ZZEF1: variants seen among roughly 807,000 people sequenced by gnomAD.
ZZEF1 encodes the protein zinc finger ZZ-type and EF-hand domain-containing protein 1.
In ZZEF1, 157 loss-of-function variants were observed where a neutral mutation model predicts 342.8. That is an observed-to-expected ratio of 0.46 (90% CI 0.40 to 0.52). The LOEUF (loss-of-function observed/expected upper bound fraction) is 0.52. Among genes scored for constraint, ZZEF1 ranks in the 20% least tolerant of loss-of-function variants. ZZEF1 has a pLI of 0.00. For synonymous variants in ZZEF1, 1,505 were observed against 1,429.1 expected (o/e 1.05, Z -1.20); for missense variants, 3,480 against 3,725.6 (o/e 0.93, Z 1.72).
At chr17:4,090,904 T>G (rs1415958940) in intron 11 of ZZEF1, 74 bp from the exon 12 acceptor site, 4 of 1,120,162 alleles carry the variant, frequency 3.6e-6, no homozygotes, top group Non-Finnish European at 5.3e-6. Flanking sequence ...AGGTATCATC[T>G]AAGTGACATG....
At chr17:4,062,575 G>A (rs1167111445) in intron 30 of ZZEF1, among the ~76,000 whole-genome samples, 178 bp downstream of exon 30, 1 of 152,080 alleles carries the variant, frequency 6.6e-6, no homozygotes, top group East Asian at 1.9e-4. Context: ...TATGTTCCCG[G>A]CAGTTACATA....
intron 41 of ZZEF1, 46 bp from the exon 42 acceptor site, chr17:4,032,304 A>G: frequency 6.3e-7 from 1 of 1,591,878 alleles, no homozygotes; most frequent in Non-Finnish European, 8.5e-7. Context: ...AAACATGGAG[A>G]CAAGAAAGAA....
chr17:4,090,931 C>G, intron 11 of ZZEF1, 101 bp from the exon 12 acceptor site: 1 of 857,770 alleles, frequency 1.2e-6, no homozygotes, highest in East Asian at 2.6e-5. Context: ...GTATCTGTAG[C>G]CTGTCAGTGA....
chr17:4,009,231 A>G, intron 53 of ZZEF1: 3 of 568,460 alleles, frequency 5.3e-6, no homozygotes, highest in Admixed American at 3.1e-5. Flanking sequence ...GGGAAGCTAA[A>G]GAACTCTGAA....
chr17:4,053,406 C>A (rs1199401662), intron 34 of ZZEF1, among the ~76,000 whole-genome samples: 2 of 152,252 alleles, frequency 1.3e-5, no homozygotes, highest in Non-Finnish European at 2.9e-5. Context: ...CCAGTTCTAA[C>A]TTCCTTCAAA....
chr17:4,025,102 C>T lies in ZZEF1; in HGVS notation c.6909G>A (p.Leu2303=). 1.2e-6 allele frequency: 2 copies of T among 1,614,074 alleles called. No homozygotes were observed. The highest frequency in any genetic ancestry group is 1.7e-6 in the Non-Finnish European group (2 of 1,180,024). The stretch of plus-strand genomic sequence containing the variant: ...ACTCTTGTCCTCCTCCCTTCTGGAC[C>T]AGCTGGTAGTCCTTCACTGAAGGGT... ...RKRKTVKDYQ[L]VQKGGGQECG... Residue 2303 remains leucine (L), a synonymous_variant, in exon 43 of 55, where the codon CTG becomes CTA. Transcript: ENST00000381638.
At position 4,064,770 on chromosome 17, in the gene ZZEF1, A is replaced by C. The variant is rs4790555; in HGVS notation, c.4309T>G (p.Ser1437Ala). ...TCCAACTTTTCGCAGCTTTCTTTTG[A>C]ACTTATGCCCGTGGGCAGAAATTTT... ...LLKFLPTGIS[S>A]KESCEKLETA... Residue 1437 changes from serine (S) to alanine (A), a missense_variant, in exon 29 of 55, where the codon TCA (serine) becomes GCA (alanine). By Grantham distance (99) the Ser-to-Ala change is moderately conservative. Coordinates refer to ENST00000381638, the MANE Select transcript of ZZEF1 (RefSeq NM_015113.4). The C allele has an allele frequency of 9.8e-3, 15,875 of 1,612,706 alleles. 1,128 individuals are homozygous for C. The Admixed American group carries it at 0.16, about 16-fold the overall frequency.
chr17:4,036,055 G>A (rs1049486953), intron 39 of ZZEF1, among the ~76,000 whole-genome samples: 3 of 138,644 alleles, frequency 2.2e-5, no homozygotes, highest in Non-Finnish European at 4.5e-5. Flanking sequence ...AGCCGAGATT[G>A]CACCACTGCA....
At chr17:4,056,194 T>C (rs1031759628) in intron 33 of ZZEF1, 22 bp downstream of exon 33, 22 of 1,546,946 alleles carry the variant, frequency 1.4e-5, no homozygotes, top group Non-Finnish European at 1.9e-5. Context: ...CACTTCAGAG[T>C]ACTCTAGTTG....
chr17:4,024,117 A>T (rs905740353), intron 43 of ZZEF1, among the ~76,000 whole-genome samples: 2 of 149,142 alleles, frequency 1.3e-5, no homozygotes, highest in African/African-American at 5.0e-5. Flanking sequence ...ATTCCTCCCA[A>T]TCGCTGCCTC....
Position 4,112,696 on chromosome 17 carries a change from C to T in ZZEF1, c.979G>A (p.Asp327Asn), listed in dbSNP as rs769097995. Residue 327 changes from aspartate (D) to asparagine (N), a missense_variant, in exon 5 of 55, where the codon GAT (aspartate) becomes AAT (asparagine). Physicochemically the swap from Asp to Asn is conservative, Grantham distance 23. This residue lies in a region of ZZEF1 where 92 missense variants were observed against 130.3 expected (regional missense o/e 0.71). Coordinates refer to ENST00000381638, the MANE Select transcript of ZZEF1 (RefSeq NM_015113.4). ...VTVAVGRNAS[D>N]LQEVRDVHIP... ...TGCACATCTCGGACTTCCTGAAGAT[C>T]GCTGGCATTCCTCCCTACAGCTACT... is the stretch of plus-strand genomic sequence containing the variant. The T allele has an allele frequency of 1.2e-5, 19 of 1,614,228 alleles. No individual in the cohort carries two copies. Among genetic ancestry groups the T allele is most frequent in the East Asian group, 4.5e-5 (2 of 44,888 alleles).
At chr17:4,028,953 G>C (rs1422903119) in intron 42 of ZZEF1, among the ~76,000 whole-genome samples, 2 of 152,160 alleles carry the variant, frequency 1.3e-5, no homozygotes, top group Non-Finnish European at 2.9e-5. Context: ...TCAGAATGAG[G>C]AATATCATTA....
intron 13 of ZZEF1, among the ~76,000 whole-genome samples, chr17:4,088,077 G>A (rs185084281): frequency 6.6e-6 from 1 of 152,192 alleles, no homozygotes; most frequent in African/African-American, 2.4e-5. Context: ...CTCTGAATGT[G>A]CCCTGAAGCA....
At chr17:4,027,312 T>TTTTTTTTG (rs2056432735) in intron 42 of ZZEF1, among the ~76,000 whole-genome samples, 1 of 144,846 alleles carries the variant, frequency 6.9e-6, no homozygotes. Context: ...TTTTTTTTTT[T>TTTTTTTTG]GAGAGAAGTC....
chr17:4,009,575 G>A (rs753386904), intron 53 of ZZEF1, 29 bp downstream of exon 53: 117 of 1,611,502 alleles, frequency 7.3e-5, no homozygotes, highest in Middle Eastern at 1.6e-4. Flanking sequence ...TGGAGGCACC[G>A]GGCTCCCTGC....
At chr17:4,045,014 C>T (rs569937683) in intron 37 of ZZEF1, among the ~76,000 whole-genome samples, 182 of 152,012 alleles carry the variant, frequency 1.2e-3, no homozygotes, top group Admixed American at 2.9e-3. Flanking sequence ...ATTAGCTGGG[C>T]GTGGTGGCGT....
At chr17:4,009,873 G>T in intron 52 of ZZEF1, 116 bp from the exon 53 acceptor site, 1 of 1,268,898 alleles carries the variant, frequency 7.9e-7, no homozygotes, top group South Asian at 1.5e-5. Flanking sequence ...TGGTACAAAT[G>T]ATTATAAAGT....
At chr17:4,045,762 C>T (rs889690242) in intron 37 of ZZEF1, among the ~76,000 whole-genome samples, 10 of 152,140 alleles carry the variant, frequency 6.6e-5, no homozygotes, top group Non-Finnish European at 1.3e-4. Flanking sequence ...TAACTAATCA[C>T]ACCCTTTCTA....
At chr17:4,039,625 G>A (rs894712774) in intron 39 of ZZEF1, among the ~76,000 whole-genome samples, 11 of 150,736 alleles carry the variant, frequency 7.3e-5, no homozygotes, top group African/African-American at 2.7e-4. Context: ...TGCTGGGAAG[G>A]CACATAGAAA....
Sources: gnomAD v4.1 joint callset for allele counts (sites outside exome capture counted in the v4.1 genomes callset) on GRCh38, gnomAD v4.1.1 for gene constraint, gnomAD v4.1.1 regional missense constraint, MANE v1.5 for transcripts, NCBI Gene and HGNC (gene_info 2026-07-23, HGNC 2026-07-21) for gene names.